Variants in EPM2A observed in about 807,000 individuals in gnomAD.
EPM2A encodes the protein laforin.
Under a neutral mutation model 26.5 loss-of-function variants are expected in EPM2A, and 21 were observed. The observed-to-expected ratio is 0.79, with a 90% CI of 0.56 to 1.14. EPM2A has a LOEUF of 1.14. EPM2A is among the 50% of genes most tolerant of loss of function. The pLI, the probability that EPM2A is intolerant of heterozygous loss-of-function variation, is 0.00. For synonymous variants in EPM2A, 217 were observed against 177.6 expected (o/e 1.22, Z -1.76); for missense variants, 458 against 440.8 (o/e 1.04, Z -0.35).
chr6:145,635,149 CCATT>C, intron 3 of EPM2A, 92 bp downstream of exon 3: 1 of 1,348,192 alleles, frequency 7.4e-7, no homozygotes, highest in South Asian at 1.2e-5. Flanking sequence ...TCCATTTCTA[CCATT>C]CATTTTTAAG....
At chr6:145,502,915 T>A (rs948140500) in intron 2 of EPM2A, among the ~76,000 whole-genome samples, 9 of 152,362 alleles carry the variant, frequency 5.9e-5, no homozygotes, top group African/African-American at 2.2e-4. Flanking sequence ...TCATGATGAA[T>A]ACATATTAAG....
At chr6:145,491,660 G>T in intron 4 of EPM2A, 1 of 392,482 alleles carries the variant, frequency 2.5e-6, no homozygotes, top group South Asian at 2.0e-5. Flanking sequence ...CTCACTTTGG[G>T]TTGCTGTCCC....
intron 2 of EPM2A, among the ~76,000 whole-genome samples, chr6:145,556,173 A>T (rs1780726325): frequency 6.6e-6 from 1 of 152,192 alleles, no homozygotes; most frequent in African/African-American, 2.4e-5. Context: ...ACTTTTGTGA[A>T]TAGAACACAT....
chr6:145,537,598 TTTTAAC>T (rs1316845570), intron 2 of EPM2A, among the ~76,000 whole-genome samples: 29 of 151,830 alleles, frequency 1.9e-4, no homozygotes, highest in Non-Finnish European at 3.4e-4. Context: ...TTTTTTTTTT[TTTTAAC>T]TTTAAGTTCC....
In EPM2A at chr6:145,708,136, T is replaced by C. The variant is rs988334749; in HGVS notation, c.302-21840A>G. Among the ~76,000 whole-genome samples, 9 of 152,174 alleles carry C rather than the reference T, an allele frequency of 5.9e-5. No homozygotes were observed. In the South Asian group the frequency reaches 1.9e-3, roughly 31 times the overall value. ...TGAACTTGAGAGATGATTTAGGGTATCTGGTGGAAGAAATTTCTAACCAGC... is the reference window on the plus strand; with the variant it reads ...TGAACTTGAGAGATGATTTAGGGTACCTGGTGGAAGAAATTTCTAACCAGC... On this transcript the variant is annotated intron_variant, in intron 1 of 3. Transcript: ENST00000367519.
chr6:145,515,593 G>A (rs770968452), intron 2 of EPM2A, among the ~76,000 whole-genome samples: 1 of 152,120 alleles, frequency 6.6e-6, no homozygotes, highest in South Asian at 2.1e-4. Flanking sequence ...TGGGGACTCA[G>A]GTTTTATAAG....
intron 4 of EPM2A, among the ~76,000 whole-genome samples, chr6:145,391,034 G>C (rs955158316): frequency 6.6e-6 from 1 of 152,130 alleles, no homozygotes; most frequent in Non-Finnish European, 1.5e-5. Context: ...AAATGAGGCA[G>C]TTTGAGAAAT....
chr6:145,715,197 C>T (rs1032851390), intron 1 of EPM2A, among the ~76,000 whole-genome samples: 1 of 151,992 alleles, frequency 6.6e-6, no homozygotes, highest in African/African-American at 2.4e-5. Context: ...CCAATTATTC[C>T]AGTTCAGGAT....
At chr6:145,596,877 CTTTTTTTTTTTTTTTT>C (rs869211299) in intron 2 of EPM2A, among the ~76,000 whole-genome samples, 1 of 73,498 alleles carries the variant, frequency 1.4e-5, no homozygotes, top group African/African-American at 5.9e-5. Flanking sequence ...TCTCCGAGAT[CTTTTTTTTTTTTTTTT>C]TTTTTTTTTT....
At position 145,555,896 on chromosome 6, in the gene EPM2A, A is replaced by G. The variant is rs1306637841; in HGVS notation, c.341-53321T>C. Among the ~76,000 whole-genome samples the G allele has an allele frequency of 2.6e-5, 4 of 152,060 alleles. No individual in the cohort carries two copies. The East Asian group carries it at 7.7e-4, about 29-fold the overall frequency. On this transcript the variant is annotated intron_variant, in intron 2 of 3. Coordinates refer to the EPM2A transcript ENST00000450221. ...TTCCCTGACCTTTCTGATGTAAACA[A>G]CTCAAACTTATGCCTACCTAACAAA...
intron 4 of EPM2A, among the ~76,000 whole-genome samples, chr6:145,434,959 T>C (rs1391806019): frequency 1.3e-5 from 2 of 152,122 alleles, no homozygotes; most frequent in Non-Finnish European, 2.9e-5. Flanking sequence ...TCTGGTTGTT[T>C]AAAAGTGTGT....
intron 1 of EPM2A, among the ~76,000 whole-genome samples, chr6:145,710,303 A>G (rs1187191947): frequency 1.3e-5 from 2 of 152,112 alleles, no homozygotes; most frequent in African/African-American, 4.8e-5. Context: ...CAAAACAAGT[A>G]GGCGAAGGAT....
intron 2 of EPM2A, among the ~76,000 whole-genome samples, chr6:145,595,196 T>C (rs962569787): frequency 6.6e-6 from 1 of 151,930 alleles, no homozygotes; most frequent in African/African-American, 2.4e-5. Flanking sequence ...TAATTAAAAA[T>C]TCTGGGGTCT....
intron 4 of EPM2A, among the ~76,000 whole-genome samples, chr6:145,429,533 T>A (rs1778896585): frequency 7.4e-6 from 1 of 134,296 alleles, no homozygotes. Flanking sequence ...AAAATAAAAT[T>A]GTCAATCATG....
intron 1 of EPM2A, among the ~76,000 whole-genome samples, chr6:145,723,153 G>A (rs538756983): frequency 7.2e-5 from 11 of 152,158 alleles, no homozygotes; most frequent in Admixed American, 5.2e-4. Context: ...AAATGCTGTA[G>A]CACAAAAGGT....
At chr6:145,390,954 T>C (rs1489340734) in intron 4 of EPM2A, among the ~76,000 whole-genome samples, 1 of 152,116 alleles carries the variant, frequency 6.6e-6, no homozygotes, top group East Asian at 1.9e-4. Context: ...ATTGTTTGTC[T>C]TTGCCCAGAG....
chr6:145,715,099 T>C (rs1775542184), intron 1 of EPM2A, among the ~76,000 whole-genome samples: 1 of 152,214 alleles, frequency 6.6e-6, no homozygotes, highest in Non-Finnish European at 1.5e-5. Context: ...GCATATTATT[T>C]GTTGTCAAGC....
At chr6:145,714,208 G>T (rs1209990318) in intron 1 of EPM2A, among the ~76,000 whole-genome samples, 2 of 152,126 alleles carry the variant, frequency 1.3e-5, no homozygotes, top group South Asian at 2.1e-4. Context: ...TGAGTAATTG[G>T]TCCCAGAACC....
intron 4 of EPM2A, among the ~76,000 whole-genome samples, chr6:145,438,387 A>G (rs1295014581): frequency 2.0e-5 from 3 of 152,052 alleles, no homozygotes; most frequent in African/African-American, 4.8e-5. Flanking sequence ...GTCCATAGGT[A>G]AGGCTGCACA....
Sources: allele counts gnomAD v4.1 joint callset (sites outside exome capture counted in the v4.1 genomes callset), GRCh38; gene constraint gnomAD v4.1.1; transcripts MANE v1.5; gene names NCBI Gene and HGNC (gene_info 2026-07-23, HGNC 2026-07-21).